EXOC6B: variants seen among roughly 807,000 people sequenced by gnomAD.
EXOC6B encodes the protein SEC15 homolog B.
A neutral mutation model predicts 113.5 loss-of-function variants in EXOC6B; 54 were observed. That is an observed-to-expected ratio of 0.48 (90% CI 0.38 to 0.60). The LOEUF is 0.60. Among genes scored for constraint, EXOC6B ranks in the 20% least tolerant of loss-of-function variants. The pLI is 0.00. For synonymous variants in EXOC6B, 357 were observed against 339.0 expected, an observed-to-expected ratio of 1.05 and a Z score of -0.58; for missense variants, 797 against 977.5, an observed-to-expected ratio of 0.82 and a Z score of 2.46.
At chr2:72,746,622 C>G (rs1354382480) in intron 1 of EXOC6B, among the ~76,000 whole-genome samples, 1 of 152,050 alleles carries the variant, frequency 6.6e-6, no homozygotes, top group Non-Finnish European at 1.5e-5. Context: ...GATTATATCA[C>G]TTGCTTAGAG....
intron 6 of EXOC6B, among the ~76,000 whole-genome samples, chr2:72,657,567 CTTTTTTTTTTT>C (rs70963136): frequency 2.0e-5 from 1 of 50,356 alleles, no homozygotes; most frequent in African/African-American, 9.6e-5. Context: ...CTTTCCTTTT[CTTTTTTTTTTT>C]TTTTTTTTTT....
chr2:72,347,778 T>C (rs1043862462), intron 19 of EXOC6B, among the ~76,000 whole-genome samples: 1 of 152,190 alleles, frequency 6.6e-6, no homozygotes, highest in Non-Finnish European at 1.5e-5. Flanking sequence ...CTTTTTTGGC[T>C]GGTAGCAATA....
At chr2:72,471,986 G>A (rs1274979770) in intron 17 of EXOC6B, among the ~76,000 whole-genome samples, 2 of 152,076 alleles carry the variant, frequency 1.3e-5, no homozygotes, top group East Asian at 1.9e-4. Flanking sequence ...TGACCATATG[G>A]TTTTTACCCT....
intron 20 of EXOC6B, among the ~76,000 whole-genome samples, chr2:72,287,437 AAAAAAAT>A (rs1206681805): frequency 1.4e-5 from 2 of 147,186 alleles, no homozygotes; most frequent in Non-Finnish European, 3.0e-5. Context: ...TCTCAAAAAA[AAAAAAAT>A]AAAAATAAAA....
intron 1 of EXOC6B, among the ~76,000 whole-genome samples, chr2:72,808,689 G>T (rs1342597773): frequency 1.3e-5 from 2 of 152,090 alleles, no homozygotes; most frequent in Non-Finnish European, 2.9e-5. Flanking sequence ...AAGCTAAGGT[G>T]GGAAGATCAA....
At chr2:72,480,380 G>A (rs1307064981) in intron 17 of EXOC6B, among the ~76,000 whole-genome samples, 1 of 152,076 alleles carries the variant, frequency 6.6e-6, no homozygotes, top group Non-Finnish European at 1.5e-5. Flanking sequence ...CATAAGGAAG[G>A]GTTTAGAGAC....
intron 20 of EXOC6B, among the ~76,000 whole-genome samples, chr2:72,301,694 C>T (rs1686543247): frequency 1.3e-5 from 2 of 152,124 alleles, no homozygotes; most frequent in Admixed American, 6.5e-5. Flanking sequence ...GGGGTAACAT[C>T]CCCTTTGTTG....
chr2:72,320,256 C>T (rs1687773931), intron 20 of EXOC6B, among the ~76,000 whole-genome samples: 1 of 150,310 alleles, frequency 6.7e-6, no homozygotes, highest in Non-Finnish European at 1.5e-5. Context: ...TATATATTTA[C>T]ACATATATGG....
intron 20 of EXOC6B, among the ~76,000 whole-genome samples, chr2:72,250,716 T>C (rs1458429851): frequency 1.3e-5 from 2 of 152,190 alleles, no homozygotes; most frequent in African/African-American, 2.4e-5. Flanking sequence ...AAATCTATTA[T>C]GATTTTTTGG....
chr2:72,678,561 C>A (rs963602719), intron 6 of EXOC6B, among the ~76,000 whole-genome samples: 2 of 152,100 alleles, frequency 1.3e-5, no homozygotes, highest in Non-Finnish European at 2.9e-5. Context: ...CAAAAATTAG[C>A]CAGGTATGCT....
intron 1 of EXOC6B, among the ~76,000 whole-genome samples, chr2:72,756,019 C>T (rs1682388393): frequency 6.6e-6 from 1 of 152,112 alleles, no homozygotes; most frequent in Non-Finnish European, 1.5e-5. Context: ...CTCCAAATTA[C>T]AAAGTTAACT....
intron 6 of EXOC6B, among the ~76,000 whole-genome samples, chr2:72,584,651 A>T (rs549574639): frequency 6.6e-6 from 1 of 152,228 alleles, no homozygotes; most frequent in Non-Finnish European, 1.5e-5. Context: ...ACAGTGGACC[A>T]ATTGGACCTA....
At chr2:72,448,311 T>C (rs956811773) in intron 18 of EXOC6B, among the ~76,000 whole-genome samples, 1 of 152,172 alleles carries the variant, frequency 6.6e-6, no homozygotes, top group African/African-American at 2.4e-5. Context: ...TTGAAGAACA[T>C]AATTGTCTGT....
intron 1 of EXOC6B, among the ~76,000 whole-genome samples, chr2:72,745,290 T>TA (rs1002826585): frequency 1.3e-5 from 2 of 152,036 alleles, no homozygotes; most frequent in African/African-American, 4.8e-5. Context: ...CCCATTTCTT[T>TA]AAAAAACAAA....
At chr2:72,218,507 T>A (rs564233376) in intron 20 of EXOC6B, among the ~76,000 whole-genome samples, 2 of 152,328 alleles carry the variant, frequency 1.3e-5, no homozygotes, top group South Asian at 4.1e-4. Flanking sequence ...CTTAACCTGA[T>A]TAGTAATGAT....
intron 6 of EXOC6B, among the ~76,000 whole-genome samples, chr2:72,676,185 A>T (rs1676298523): frequency 6.6e-6 from 1 of 152,084 alleles, no homozygotes; most frequent in South Asian, 2.1e-4. Flanking sequence ...AGGGAAAAAA[A>T]TCAGTTTTAC....
intron 18 of EXOC6B, among the ~76,000 whole-genome samples, chr2:72,391,235 A>C (rs1692356183): frequency 6.6e-6 from 1 of 152,186 alleles, no homozygotes; most frequent in Non-Finnish European, 1.5e-5. Context: ...TTTATGGTTG[A>C]GATCAAGTCT....
intron 18 of EXOC6B, among the ~76,000 whole-genome samples, chr2:72,413,886 A>C (rs916919453): frequency 6.6e-6 from 1 of 152,134 alleles, no homozygotes; most frequent in East Asian, 1.9e-4. Context: ...CTGTTCCATG[A>C]ACCTCAGTCT....
At chr2:72,251,894 T>C (rs1379279227) in intron 20 of EXOC6B, among the ~76,000 whole-genome samples, 1 of 152,198 alleles carries the variant, frequency 6.6e-6, no homozygotes, top group Non-Finnish European at 1.5e-5. Flanking sequence ...TACACAATTT[T>C]ATTACCAACA....
Sources: gnomAD v4.1 joint callset for allele counts (sites outside exome capture counted in the v4.1 genomes callset) on GRCh38, gnomAD v4.1.1 for gene constraint, MANE v1.5 for transcripts, NCBI Gene and HGNC (gene_info 2026-07-23, HGNC 2026-07-21) for gene names.